The following SLC2A8 variants were observed in gnomAD, a reference collection of about 807,000 sequenced individuals.
SLC2A8 encodes solute carrier family 2, facilitated glucose transporter member 8.
SLC2A8 carries 53 observed loss-of-function variants against 49.2 expected under a neutral mutation model. That is an observed-to-expected ratio of 1.08 (90% CI 0.86 to 1.35). SLC2A8 has a LOEUF of 1.35. Among genes scored for constraint, SLC2A8 ranks in the 40% most tolerant of loss-of-function variants. SLC2A8 has a pLI of 0.00. For synonymous variants in SLC2A8, 299 were observed against 297.0 expected (o/e 1.01, Z -0.07); for missense variants, 688 against 671.7 (o/e 1.02, Z -0.27).
In SLC2A8 at chr9:127,407,610, G is replaced by A. The variant is rs778707289; in HGVS notation, c.*361G>A. ...CTGGGCATTCAGTCGCTCCTCTCAC[G>A]CGGCTGCCTTATCGGGAAGGAAATT... is the stretch of plus-strand genomic sequence containing the variant. On this transcript the variant is annotated 3_prime_UTR_variant, in exon 10 of 10. Coordinates refer to ENST00000373371, the MANE Select transcript of SLC2A8 (RefSeq NM_014580.5). 1.1e-5 allele frequency: 4 copies of A among 376,140 alleles called. No homozygotes were observed. The highest frequency in any genetic ancestry group is 4.4e-5 in the South Asian group (2 of 45,524). 23.3% of individuals were successfully genotyped at this position (376,140 alleles called of 1,614,324 possible).
chr9:127,397,934 G>T lies in SLC2A8; in HGVS notation c.249G>T (p.Gly83=). The change falls in exon 3 of 10, where the codon GGG becomes GGT. Residue 83 remains glycine, a synonymous_variant. Coordinates refer to ENST00000373371, the MANE Select transcript of SLC2A8 (RefSeq NM_014580.5). ...TCGTGACCCTGGGTGCCGCGGCGGG[G>T]GGAGTGCTGGGCGGCTGGCTGGTGG... is the stretch of plus-strand genomic sequence containing the variant. ...GAVVTLGAAA[G]GVLGGWLVDR... is the part of the protein sequence containing the mutation. 6.5e-7 allele frequency: 1 copy of T among 1,531,714 alleles called. No homozygotes were observed. Among genetic ancestry groups the T allele is most frequent in the Non-Finnish European group, 8.7e-7 (1 of 1,145,470 alleles). 94.9% of individuals were successfully genotyped at this position (1,531,714 alleles called of 1,614,324 possible).
Position 127,407,383 on chromosome 9 carries a change from G to C in SLC2A8, c.*134G>C, listed in dbSNP as rs1179844105. 8.9e-7 allele frequency: 1 copy of C among 1,122,218 alleles called. No individual in the cohort carries two copies. The highest frequency in any genetic ancestry group is 1.5e-5 in the African/African-American group (1 of 64,982). 69.5% of individuals were successfully genotyped at this position (1,122,218 alleles called of 1,614,324 possible). A position where few individuals can be genotyped will look rare whatever the true frequency, so the allele number is the denominator to read the frequency against. On this transcript the variant is annotated 3_prime_UTR_variant, in exon 10 of 10. Transcript: ENST00000373371. ...CTGCAGGGTCCCTCCTTCCTGTCAT[G>C]CTCCCTCCAGCCCATGACCCGGGGC...
rs765796641 is a variant in SLC2A8 at position 127,398,330 on chromosome 9, G to T, written c.426+219G>T. ...ACTGAGGTCATGACATGCAGTCTCG[G>T]AAAGGTGAAGTCCTTTGCCCAGGCG... On this transcript the variant is annotated intron_variant, in intron 3 of 9. Transcript: ENST00000373371. The T allele has an allele frequency of 1.0e-5, 8 of 779,776 alleles. No homozygotes were observed. The Admixed American group carries it at 1.4e-4, about 13-fold the overall frequency. The allele number at this position is 779,776 out of a possible 1,614,324, so 48.3% of individuals were successfully genotyped here.
chr9:127,404,678 T>C (rs3802364), intron 7 of SLC2A8, 140 bp from the exon 8 acceptor site: 582,073 of 981,410 alleles, frequency 0.59, 174,498 homozygotes, highest in Admixed American at 0.64. Context: ...AGTCAGGGCT[T>C]CTGCGGCCAA....
chr9:127,397,618 C>A (rs1293406247), intron 2 of SLC2A8, 80 bp downstream of exon 2: 2 of 1,357,042 alleles, frequency 1.5e-6, no homozygotes, highest in South Asian at 1.7e-5. Context: ...CTCCGCCCCC[C>A]ACCCTTCCCC....
intron 2 of SLC2A8, 91 bp from the exon 3 acceptor site, chr9:127,397,814 C>T: frequency 1.5e-6 from 2 of 1,309,378 alleles, no homozygotes; most frequent in Non-Finnish European, 1.0e-6. Flanking sequence ...GGGGCCCCGG[C>T]TCTTTTACCT....
intron 2 of SLC2A8, 123 bp from the exon 3 acceptor site, chr9:127,397,781 AC>A: frequency 9.0e-7 from 1 of 1,110,994 alleles, no homozygotes; most frequent in East Asian, 2.9e-5. Context: ...TCAGCCCCCT[AC>A]CCCTCCCCTC....
chr9:127,400,359 G>A (rs1040373099), intron 4 of SLC2A8, among the ~76,000 whole-genome samples: 3 of 151,952 alleles, frequency 2.0e-5, no homozygotes, highest in Non-Finnish European at 2.9e-5. Context: ...GGGTTTCACC[G>A]TGTTAGCCAG....
chr9:127,398,560 C>T (rs1400293708), intron 3 of SLC2A8, among the ~76,000 whole-genome samples: 1 of 152,192 alleles, frequency 6.6e-6, no homozygotes, highest in African/African-American at 2.4e-5. Context: ...AGGCTGCTGG[C>T]CTCTGTGTTC....
In SLC2A8 at chr9:127,399,839, C is replaced by A; in HGVS notation, c.427-68C>A. 1.4e-6 allele frequency: 2 copies of A among 1,410,356 alleles called. No individual in the cohort carries two copies. Among genetic ancestry groups the A allele is most frequent in the South Asian group, 2.3e-5 (2 of 86,282 alleles). The allele number at this position is 1,410,356 out of a possible 1,614,324, so 87.4% of individuals were successfully genotyped here. On this transcript the variant is annotated intron_variant, in intron 3 of 9. Transcript: ENST00000373371. The surrounding 1 kb of genome is among the most constrained non-coding windows in gnomAD (Gnocchi z 4.2). Reference sequence around the variant, plus strand: ...CTGGTGATCTGCCCGCCTCGGCCTCCCAGAGTGCTGGGATTGCAGGCATGA... The same window carrying A: ...CTGGTGATCTGCCCGCCTCGGCCTCACAGAGTGCTGGGATTGCAGGCATGA...
At chr9:127,406,051 T>C (rs1368034429) in intron 9 of SLC2A8, 3 of 518,984 alleles carry the variant, frequency 5.8e-6, no homozygotes, top group African/African-American at 5.8e-5. Context: ...TTCTCACGGA[T>C]GGACTGGCAC....
intron 8 of SLC2A8, 120 bp downstream of exon 8, chr9:127,405,111 C>T (rs3824413): frequency 0.36 from 401,762 of 1,120,840 alleles, 74,696 homozygotes; most frequent in Middle Eastern, 0.46. Context: ...AAGTTCCAAG[C>T]TCTGCATTTC....
chr9:127,399,176 A>T lies in SLC2A8; in HGVS notation c.427-731A>T, dbSNP rs1833170666. Reference sequence around the variant, plus strand: ...GAGTTCGTGCTTCTAGTCCAAGGCCACCACTCAAAGCGTGGGCCCTGGGCT... The same window carrying T: ...GAGTTCGTGCTTCTAGTCCAAGGCCTCCACTCAAAGCGTGGGCCCTGGGCT... On this transcript the variant is annotated intron_variant, in intron 3 of 9. Transcript: ENST00000373371. This position sits in a 1 kb window ranked among gnomAD's most constrained non-coding sequence, Gnocchi z 4.2. 3.3e-5 allele frequency among the ~76,000 whole-genome samples: 5 copies of T among 152,272 alleles called. No individual in the cohort carries two copies. The South Asian group carries it at 1.0e-3, about 32-fold the overall frequency.
chr9:127,404,850 G>C lies in SLC2A8; in HGVS notation c.1009G>C (p.Gly337Arg), dbSNP rs767430691. The change falls in exon 8 of 10, where the codon GGC (glycine) becomes CGC (arginine). Residue 337 changes from glycine (G) to arginine (R), a missense_variant. By Grantham distance (125) the Gly-to-Arg change is moderately radical (BLOSUM62 -2). Transcript: ENST00000373371. ...VVMVFSTSAFGAYFKLTQGGP... is the reference protein window; with the variant it reads ...VVMVFSTSAFRAYFKLTQGGP... Reference sequence around the variant, plus strand: ...CATGGTGTTCAGCACGAGTGCCTTCGGCGCCTACTTCAAGCTGACCCAGGG... The same window carrying C: ...CATGGTGTTCAGCACGAGTGCCTTCCGCGCCTACTTCAAGCTGACCCAGGG... The C allele has an allele frequency of 1.2e-6, 2 of 1,612,536 alleles. No individual in the cohort carries two copies. Among genetic ancestry groups the C allele is most frequent in the Non-Finnish European group, 8.5e-7 (1 of 1,179,688 alleles).
rs766371683 is a variant in SLC2A8, at chr9:127,397,188, C to A, written c.-43C>A. The A allele has an allele frequency of 4.9e-6, 7 of 1,442,356 alleles. No homozygotes were observed. The highest frequency in any genetic ancestry group is 1.4e-5 in the South Asian group (1 of 73,206). The allele number at this position is 1,442,356 out of a possible 1,614,324, so 89.3% of individuals were successfully genotyped here. ...CGGGCCGCACTCGCAGGGCCCGTGGCGGTTCAGGCGCCAGAGCTGGCCGAT... is the reference window on the plus strand; with the variant it reads ...CGGGCCGCACTCGCAGGGCCCGTGGAGGTTCAGGCGCCAGAGCTGGCCGAT... On this transcript the variant is annotated 5_prime_UTR_variant, in exon 1 of 10. Transcript: ENST00000373371.
In SLC2A8 at chr9:127,399,942, G is replaced by A. The variant is rs1473436330; in HGVS notation, c.462G>A (p.Arg154=). Residue 154 remains arginine, a synonymous_variant, in exon 4 of 10, where the codon CGG becomes CGA. Transcript: ENST00000373371. The surrounding 1 kb of genome is among the most constrained non-coding windows in gnomAD (Gnocchi z 4.2). Reference sequence around the variant, plus strand: ...CCGAAATCGCCTACCCAGCAGTCCGGGGGTTGCTCGGCTCCTGTGTGCAGC... The same window carrying A: ...CCGAAATCGCCTACCCAGCAGTCCGAGGGTTGCTCGGCTCCTGTGTGCAGC... ...YISEIAYPAV[R]GLLGSCVQLM... 6.2e-7 allele frequency: 1 copy of A among 1,613,706 alleles called. No homozygotes were observed. The highest frequency in any genetic ancestry group is 1.1e-5 in the South Asian group (1 of 91,058).
At position 127,397,892 on chromosome 9, in the gene SLC2A8, C is replaced by G; in HGVS notation, c.220-13C>G. The G allele has an allele frequency of 1.4e-6, 2 of 1,473,748 alleles. No individual in the cohort carries two copies. The highest frequency in any genetic ancestry group is 1.3e-5 in the South Asian group (1 of 74,850). 91.3% of individuals were successfully genotyped at this position (1,473,748 alleles called of 1,614,324 possible). A position where few individuals can be genotyped will look rare whatever the true frequency, so the allele number is the denominator to read the frequency against. Reference sequence around the variant, plus strand: ...GCTTCGGCGCCCCCTCCTCAGCAGCCGCCCGCCTCCAGGCTGTCGTGACCC... The same window carrying G: ...GCTTCGGCGCCCCCTCCTCAGCAGCGGCCCGCCTCCAGGCTGTCGTGACCC... On this transcript the variant is annotated splice_polypyrimidine_tract_variant and intron_variant, in intron 2 of 9. Coordinates refer to ENST00000373371, the MANE Select transcript of SLC2A8 (RefSeq NM_014580.5).
intron 8 of SLC2A8, 49 bp downstream of exon 8, chr9:127,405,040 C>T (rs765870748): frequency 4.7e-5 from 74 of 1,561,988 alleles, no homozygotes; most frequent in Non-Finnish European, 6.1e-5. Context: ...GTGATCCCCC[C>T]GGCCCTGCTG....
At position 127,404,942 on chromosome 9, in the gene SLC2A8, C is replaced by T. The variant is rs371828062; in HGVS notation, c.1101C>T (p.Ser367=). Residue 367 remains serine, a synonymous_variant, in exon 8 of 10, where the codon AGC becomes AGT. Transcript: ENST00000373371. ...TCTCTGCACAGCCTGTTGATGCCAG[C>T]GTGGGGCTGGCCTGGCTGGCCGTGG... ...APVSAQPVDA[S]VGLAWLAVGS... 7.7e-5 allele frequency: 124 copies of T among 1,611,256 alleles called. No individual in the cohort carries two copies. The highest frequency in any genetic ancestry group is 9.1e-5 in the Non-Finnish European group (107 of 1,179,506).
Sources: allele counts gnomAD v4.1 joint callset (sites outside exome capture counted in the v4.1 genomes callset), GRCh38; gene constraint gnomAD v4.1.1; non-coding constraint Gnocchi (gnomAD v3.1); transcripts MANE v1.5; gene names NCBI Gene and HGNC (gene_info 2026-07-23, HGNC 2026-07-21).